The following RBFOX1 variants were observed in gnomAD, a reference collection of about 807,000 sequenced individuals.
RBFOX1 encodes RNA binding fox-1 homolog 1, also known as RNA binding protein fox-1 homolog 1.
RBFOX1 carries 8 observed loss-of-function variants against 57.7 expected under a neutral mutation model. The observed-to-expected ratio is 0.14, with a 90% CI of 0.08 to 0.25. The LOEUF is 0.25. Ranked by LOEUF, RBFOX1 falls within the 10% of genes least tolerant of loss-of-function variation. The pLI is 1.00. For missense variants in RBFOX1, 611 were observed against 548.5 expected (o/e 1.11, Z -1.14); for synonymous variants, 326 against 222.4 (o/e 1.47, Z -4.15).
chr16:5,430,000 C>T (rs553032607), intron 1 of RBFOX1, among the ~76,000 whole-genome samples: 2 of 152,176 alleles, frequency 1.3e-5, no homozygotes, highest in Non-Finnish European at 2.9e-5. Flanking sequence ...GAGGCTGTTA[C>T]TATCTCAAGA....
chr16:7,549,327 G>C (rs1361723968), intron 5 of RBFOX1, among the ~76,000 whole-genome samples: 3 of 152,202 alleles, frequency 2.0e-5, no homozygotes, highest in Admixed American at 1.3e-4. Flanking sequence ...TATAAAGGTA[G>C]GTAGGGCCAT....
At chr16:7,232,211 A>G (rs1349400789) in intron 4 of RBFOX1, among the ~76,000 whole-genome samples, 4 of 152,054 alleles carry the variant, frequency 2.6e-5, no homozygotes, top group African/African-American at 9.7e-5. Flanking sequence ...TTTATGAGAG[A>G]CGGGGTTTCA....
chr16:6,590,859 T>G (rs1231696682), intron 2 of RBFOX1, among the ~76,000 whole-genome samples: 4 of 152,026 alleles, frequency 2.6e-5, no homozygotes, highest in Non-Finnish European at 4.4e-5. Flanking sequence ...GCAAGAATTG[T>G]ACAGTTATAA....
intron 4 of RBFOX1, among the ~76,000 whole-genome samples, chr16:7,492,923 G>T (rs1467257689): frequency 2.6e-5 from 4 of 152,050 alleles, no homozygotes; most frequent in Admixed American, 2.0e-4. Flanking sequence ...ACGTCCCCCA[G>T]GCTGGAGTGC....
At chr16:5,555,354 A>G (rs749023617) in intron 2 of RBFOX1, among the ~76,000 whole-genome samples, 121 of 152,188 alleles carry the variant, frequency 8.0e-4, no homozygotes, top group Middle Eastern at 3.4e-3. Flanking sequence ...CCTGGGCTCA[A>G]GCAATTCTGC....
At chr16:6,771,620 A>G (rs560700515) in intron 3 of RBFOX1, among the ~76,000 whole-genome samples, 5 of 152,210 alleles carry the variant, frequency 3.3e-5, no homozygotes, top group Non-Finnish European at 7.3e-5. Flanking sequence ...GCAGTTCTCA[A>G]CTGTGGACAA....
chr16:5,476,558 C>G (rs1222341041), intron 2 of RBFOX1, among the ~76,000 whole-genome samples: 1 of 152,214 alleles, frequency 6.6e-6, no homozygotes, highest in Non-Finnish European at 1.5e-5. Flanking sequence ...CTGGCACTCA[C>G]AGGTTTAACA....
rs376420104 is a variant in RBFOX1, at chr16:6,052,077, A to C, written c.-127+32085A>C. ...GAAAAACAAAACAGAACAGGAAAGC[A>C]AAATAAAACCAAAACTGGTCCTGCC... On this transcript the variant is annotated intron_variant, in intron 1 of 15. Coordinates refer to ENST00000550418, the MANE Select transcript of RBFOX1 (RefSeq NM_018723.4). Among the ~76,000 whole-genome samples, 6 of 152,300 alleles carry C rather than the reference A, an allele frequency of 3.9e-5. No individual in the cohort carries two copies. In the South Asian group the frequency reaches 1.0e-3, roughly 26 times the overall value.
At chr16:7,511,457 C>T (rs10492755) in intron 4 of RBFOX1, among the ~76,000 whole-genome samples, 12,154 of 152,182 alleles carry the variant, frequency 0.08, 566 homozygotes, top group East Asian at 0.12. Flanking sequence ...CAGGATATTT[C>T]AGGGACCAAA....
At chr16:6,985,991 T>A (rs1305107517) in intron 3 of RBFOX1, among the ~76,000 whole-genome samples, 3 of 150,816 alleles carry the variant, frequency 2.0e-5, no homozygotes, top group Non-Finnish European at 3.0e-5. Context: ...ACGAGAGAAA[T>A]TTTTTTTCAT....
At chr16:5,859,369 C>G (rs1337878969) in intron 3 of RBFOX1, among the ~76,000 whole-genome samples, 1 of 152,198 alleles carries the variant, frequency 6.6e-6, no homozygotes, top group Non-Finnish European at 1.5e-5. Context: ...ATCTCCAACT[C>G]TAAGCCAGAC....
chr16:7,385,567 G>A (rs959797489), intron 4 of RBFOX1, among the ~76,000 whole-genome samples: 2 of 152,140 alleles, frequency 1.3e-5, no homozygotes, highest in African/African-American at 2.4e-5. Context: ...AAATGTGAAA[G>A]GCCATGGTTA....
intron 3 of RBFOX1, among the ~76,000 whole-genome samples, chr16:6,927,436 A>AAAAAAAAC (rs139061812): frequency 6.6e-6 from 1 of 150,892 alleles, no homozygotes; most frequent in African/African-American, 2.5e-5. Flanking sequence ...AAAAAAAAAA[A>AAAAAAAAC]AAATCCGAAC....
intron 2 of RBFOX1, among the ~76,000 whole-genome samples, chr16:6,586,475 A>G (rs1600680753): frequency 6.6e-6 from 1 of 152,284 alleles, no homozygotes; most frequent in Non-Finnish European, 1.5e-5. Flanking sequence ...GTGGCAGGTG[A>G]CATATGCCCA....
chr16:5,544,548 A>T (rs1264824371), intron 2 of RBFOX1, among the ~76,000 whole-genome samples: 1 of 152,182 alleles, frequency 6.6e-6, no homozygotes, highest in Non-Finnish European at 1.5e-5. Flanking sequence ...ATCAGAGAGA[A>T]ATTAATGAAA....
chr16:6,978,385 T>G (rs1189053541), intron 3 of RBFOX1, among the ~76,000 whole-genome samples: 1 of 152,200 alleles, frequency 6.6e-6, no homozygotes, highest in East Asian at 1.9e-4. Flanking sequence ...ACAGACGTCA[T>G]GAGGACAATG....
chr16:7,590,339 G>A (rs1339845596), intron 7 of RBFOX1, among the ~76,000 whole-genome samples: 1 of 151,562 alleles, frequency 6.6e-6, no homozygotes, highest in Non-Finnish European at 1.5e-5. Context: ...TATTATTTTG[G>A]AAATGTATAT....
At chr16:7,202,955 T>C (rs1441772655) in intron 4 of RBFOX1, among the ~76,000 whole-genome samples, 1 of 151,912 alleles carries the variant, frequency 6.6e-6, no homozygotes, top group African/African-American at 2.4e-5. Flanking sequence ...GCTAATTTTG[T>C]TTTTATATTT....
intron 11 of RBFOX1, among the ~76,000 whole-genome samples, chr16:7,647,740 C>G (rs2064032334): frequency 6.6e-6 from 1 of 152,136 alleles, no homozygotes; most frequent in Non-Finnish European, 1.5e-5. Flanking sequence ...TTGTGAGTTT[C>G]CACTGGGCAT....
Sources: allele counts gnomAD v4.1 joint callset (sites outside exome capture counted in the v4.1 genomes callset), GRCh38; gene constraint gnomAD v4.1.1; transcripts MANE v1.5; gene names NCBI Gene and HGNC (gene_info 2026-07-23, HGNC 2026-07-21).